ADGRF5: variants seen among roughly 807,000 people sequenced by gnomAD.
The protein encoded by ADGRF5 is adhesion G protein-coupled receptor F5, also known as G-protein coupled receptor 116.
Under a neutral mutation model 132.3 loss-of-function variants are expected in ADGRF5, and 75 were observed. That is an observed-to-expected ratio of 0.57 (90% CI 0.47 to 0.69). The LOEUF (loss-of-function observed/expected upper bound fraction) is 0.69. Among genes scored for constraint, ADGRF5 ranks in the 30% least tolerant of loss-of-function variants. The probability of loss-of-function intolerance (pLI) is 0.00; values close to 1 mark genes in which losing one functional copy is unlikely to be tolerated. For synonymous variants in ADGRF5, 629 were observed against 597.6 expected (o/e 1.05, Z -0.77); for missense variants, 1,516 against 1,630.6 (o/e 0.93, Z 1.21).
At chr6:46,937,884 G>A (rs532009066) in intron 1 of ADGRF5, among the ~76,000 whole-genome samples, 1 of 152,260 alleles carries the variant, frequency 6.6e-6, no homozygotes, top group South Asian at 2.1e-4. Flanking sequence ...AGCATGAACA[G>A]CATGAGATTT....
intron 9 of ADGRF5, among the ~76,000 whole-genome samples, chr6:46,879,147 A>T (rs1772161521): frequency 6.6e-6 from 1 of 151,936 alleles, no homozygotes; most frequent in South Asian, 2.1e-4. Context: ...AAATTTTTTT[A>T]AAAATCAATT....
chr6:46,919,627 G>A (rs1377104582), intron 1 of ADGRF5, among the ~76,000 whole-genome samples: 1 of 152,180 alleles, frequency 6.6e-6, no homozygotes, highest in Non-Finnish European at 1.5e-5. Flanking sequence ...GGCAGTGTTA[G>A]TCTACAGGGC....
At position 46,859,169 on chromosome 6, in the gene ADGRF5, C is replaced by A; in HGVS notation, c.2734G>T (p.Asp912Tyr). ...TCTGCAAAGTTATTTTCCTGGATAT[C>A]CTGGGCAAGGATGGCTTGGAGAGTT... ...FPTLQAILAQ[D>Y]IQENNFAESL... is the part of the protein sequence containing the mutation. The change falls in exon 17 of 21, where the codon GAT (aspartate) becomes TAT (tyrosine). Residue 912 changes from aspartate to tyrosine, a missense_variant. By Grantham distance (160) the Asp-to-Tyr change is radical. This residue lies in a region of ADGRF5 where 571 missense variants were observed against 701.2 expected (regional missense o/e 0.81). Coordinates refer to ENST00000283296, the MANE Select transcript of ADGRF5 (RefSeq NM_001098518.2). The A allele has an allele frequency of 6.2e-7, 1 of 1,614,074 alleles. No individual in the cohort carries two copies. Among genetic ancestry groups the A allele is most frequent in the Non-Finnish European group, 8.5e-7 (1 of 1,179,956 alleles).
At chr6:46,871,068 T>A (rs1006148890) in intron 11 of ADGRF5, among the ~76,000 whole-genome samples, 1 of 151,792 alleles carries the variant, frequency 6.6e-6, no homozygotes. Context: ...AAATGCTAAG[T>A]CACAATAGCA....
intron 10 of ADGRF5, among the ~76,000 whole-genome samples, chr6:46,877,284 T>TCC (rs1771844187): frequency 4.3e-5 from 2 of 46,880 alleles, no homozygotes; most frequent in Non-Finnish European, 8.4e-5. Flanking sequence ...TCTTTCTTTC[T>TCC]TTCTTTCTCT....
intron 1 of ADGRF5, among the ~76,000 whole-genome samples, chr6:46,934,998 C>CTT (rs56982002): frequency 0.026 from 2,270 of 86,632 alleles, 67 homozygotes; most frequent in African/African-American, 0.03. Flanking sequence ...GGTGATAGTT[C>CTT]TTTTTTTTTT....
Position 46,883,606 on chromosome 6 carries a change from T to A in ADGRF5, c.565A>T (p.Thr189Ser). 1 of 1,608,988 alleles carries A rather than the reference T, an allele frequency of 6.2e-7. No individual in the cohort carries two copies. Among genetic ancestry groups the A allele is most frequent in the African/African-American group, 1.3e-5 (1 of 74,648 alleles). Residue 189 changes from threonine to serine, a missense_variant, in exon 6 of 21, where the codon ACT becomes TCT. Transcript: ENST00000283296. The stretch of plus-strand genomic sequence containing the variant: ...TAGGACCTATAGAGGGCGGAGGAAG[T>A]GTTCATGAGGTCTTCTTGAAAGCCT... ...NVGFQEDLMN[T>S]SSALYRSYKT...
chr6:46,864,894 T>A, intron 14 of ADGRF5, 148 bp downstream of exon 14: 1 of 524,526 alleles, frequency 1.9e-6, no homozygotes, highest in East Asian at 3.0e-5. Context: ...ATTTCTTTTC[T>A]TTTAAATACC....
chr6:46,858,234 G>T lies in ADGRF5; in HGVS notation c.3669C>A (p.Val1223=), dbSNP rs752108873. 1.9e-6 allele frequency: 3 copies of T among 1,614,066 alleles called. No individual in the cohort carries two copies. Among genetic ancestry groups the T allele is most frequent in the Admixed American group, 3.3e-5 (2 of 60,024 alleles). ...AAGTGAGGCCCAAGAGTGGTGTGAG[G>T]ACCCCAATGCTCTTGCTGATCTGAA... ...SLFQISKSIG[V]LTPLLGLTWG... Residue 1223 remains valine (V), a synonymous_variant, in exon 17 of 21, where the codon GTC becomes GTA. Transcript: ENST00000283296.
At chr6:46,909,578 G>T (rs1446808542) in intron 1 of ADGRF5, among the ~76,000 whole-genome samples, 1 of 152,224 alleles carries the variant, frequency 6.6e-6, no homozygotes, top group Non-Finnish European at 1.5e-5. Flanking sequence ...GAGGATGAAT[G>T]ATCTGGGTTC....
chr6:46,936,428 A>T (rs1353693382), intron 1 of ADGRF5, among the ~76,000 whole-genome samples: 1 of 152,174 alleles, frequency 6.6e-6, no homozygotes, highest in Non-Finnish European at 1.5e-5. Context: ...ATATCCCTTC[A>T]TGTGAAAGCA....
In ADGRF5 at chr6:46,872,025, A is replaced by G. The variant is rs1771120359; in HGVS notation, c.1241-12T>C. 1.9e-6 allele frequency: 3 copies of G among 1,569,808 alleles called. No individual in the cohort carries two copies. The highest frequency in any genetic ancestry group is 2.6e-6 in the Non-Finnish European group (3 of 1,149,746). ...TGTCTCAGGGGTTCCTATAATGAGA[A>G]GCAAATTGTTGCCATCCCAGCTGGC... On this transcript the variant is annotated splice_polypyrimidine_tract_variant and intron_variant, in intron 10 of 20. Transcript: ENST00000283296.
intron 10 of ADGRF5, among the ~76,000 whole-genome samples, chr6:46,877,272 T>TTTCTTTCC (rs1771827247): frequency 2.4e-5 from 1 of 41,348 alleles, no homozygotes; most frequent in East Asian, 4.9e-4. Context: ...TCTTTCTTTC[T>TTTCTTTCC]TTCTTTCTTT....
At chr6:46,927,667 C>A (rs1777321624) in intron 1 of ADGRF5, among the ~76,000 whole-genome samples, 1 of 152,186 alleles carries the variant, frequency 6.6e-6, no homozygotes, top group South Asian at 2.1e-4. Flanking sequence ...AAGCCAGCAA[C>A]AGAATTTCCT....
chr6:46,933,938 G>T (rs1275203091), intron 1 of ADGRF5, among the ~76,000 whole-genome samples: 1 of 152,146 alleles, frequency 6.6e-6, no homozygotes, highest in Non-Finnish European at 1.5e-5. Context: ...CATCTGACCT[G>T]GAATATTAAG....
rs202008987 is a variant in ADGRF5, at chr6:46,889,782, A to G, written c.158-1277T>C. 8.2e-3 allele frequency among the ~76,000 whole-genome samples: 183 copies of G among 22,216 alleles called. 1 individual carries two copies. The highest frequency in any genetic ancestry group is 0.021 in the Middle Eastern group (1 of 48). The allele number at this position is 22,216 out of a possible 152,430, so 14.6% of individuals were successfully genotyped here. The stretch of plus-strand genomic sequence containing the variant: ...TATATAATATATTATGTGTGTGTGT[A>G]TATATATATATATATATACATAGTT... On this transcript the variant is annotated intron_variant, in intron 3 of 20. Transcript: ENST00000283296.
intron 3 of ADGRF5, among the ~76,000 whole-genome samples, chr6:46,892,731 C>G (rs2150865371): frequency 6.6e-6 from 1 of 152,260 alleles, no homozygotes; most frequent in Middle Eastern, 3.4e-3. Context: ...GCCTGGGAGA[C>G]AGAGATAGAC....
intron 8 of ADGRF5, 93 bp downstream of exon 8, chr6:46,881,362 C>G: frequency 3.6e-6 from 4 of 1,124,602 alleles, no homozygotes; most frequent in Non-Finnish European, 5.3e-6. Context: ...ACTGGAGTGT[C>G]TAGCTTCCCA....
rs760802443 is a variant in ADGRF5, at chr6:46,880,015, G to A, written c.839C>T (p.Pro280Leu). 6.2e-7 allele frequency: 1 copy of A among 1,613,900 alleles called. No homozygotes were observed. Among genetic ancestry groups the A allele is most frequent in the South Asian group, 1.1e-5 (1 of 91,070 alleles). Reference sequence around the variant, plus strand: ...TGTGTCCCCTTCAAAGATGATTTCTGGTGTGACAAAGAAATTGCTTTCATC... The same window carrying A: ...TGTGTCCCCTTCAAAGATGATTTCTAGTGTGACAAAGAAATTGCTTTCATC... ...TINESNFFVT[P>L]EIIFEGDTVS... The change falls in exon 9 of 21, where the codon CCA becomes CTA. Residue 280 changes from proline to leucine, a missense_variant. This residue lies in a region of ADGRF5 where 945 missense variants were observed against 929.4 expected (regional missense o/e 1.02). Coordinates refer to ENST00000283296, the MANE Select transcript of ADGRF5 (RefSeq NM_001098518.2).
Sources: allele counts gnomAD v4.1 joint callset (sites outside exome capture counted in the v4.1 genomes callset), GRCh38; gene constraint gnomAD v4.1.1; regional missense constraint gnomAD v4.1.1; transcripts MANE v1.5; gene names NCBI Gene and HGNC (gene_info 2026-07-23, HGNC 2026-07-21).